The following FBXO31 variants were observed in gnomAD, a reference collection of about 807,000 sequenced individuals.
FBXO31 encodes F-box only protein 31.
A neutral mutation model predicts 54.4 loss-of-function variants in FBXO31; 24 were observed. The ratio of observed to expected loss-of-function variants is 0.44; its 90% CI spans 0.32 to 0.62. The LOEUF (loss-of-function observed/expected upper bound fraction) is 0.62. Among genes scored for constraint, FBXO31 ranks in the 20% least tolerant of loss-of-function variants. The probability of loss-of-function intolerance (pLI) is 0.05; values close to 1 mark genes in which losing one functional copy is unlikely to be tolerated. For synonymous variants in FBXO31, 388 were observed against 335.6 expected, an observed-to-expected ratio of 1.16 and a Z score of -1.71; for missense variants, 665 against 787.1, an observed-to-expected ratio of 0.84 and a Z score of 1.86.
rs1905106544 is a variant in FBXO31 at position 87,338,751 on chromosome 16, G to T, written c.733-2487C>A. 6.6e-6 allele frequency among the ~76,000 whole-genome samples: 1 copy of T among 152,104 alleles called. No homozygotes were observed. The highest frequency in any genetic ancestry group is 1.5e-5 in the Non-Finnish European group (1 of 68,016). On this transcript the variant is annotated intron_variant, in intron 5 of 8. Coordinates refer to ENST00000311635, the MANE Select transcript of FBXO31 (RefSeq NM_024735.5). This position sits in a 1 kb window ranked among gnomAD's most constrained non-coding sequence, Gnocchi z 4.3. ...CGAAGCCTCCCCTGTCCAGAGCCTG[G>T]CCCCTCCAACCTCCCTGGGCAGACA...
At chr16:87,369,208 C>A (rs1005930521) in intron 1 of FBXO31, among the ~76,000 whole-genome samples, 5 of 151,888 alleles carry the variant, frequency 3.3e-5, no homozygotes, top group Non-Finnish European at 4.4e-5. Flanking sequence ...TAAAAGCTAC[C>A]ATTTTACCCA....
At position 87,358,328 on chromosome 16, in the gene FBXO31, A is replaced by G. The variant is rs74600427; in HGVS notation, c.412+1967T>C. ...CTTGCTCCAGGACCAAAGCTGTCCCATGTGTGAATCAGAGGGCCCTCCCCA... is the reference window on the plus strand; with the variant it reads ...CTTGCTCCAGGACCAAAGCTGTCCCGTGTGTGAATCAGAGGGCCCTCCCCA... On this transcript the variant is annotated intron_variant, in intron 2 of 8. Coordinates refer to ENST00000311635, the MANE Select transcript of FBXO31 (RefSeq NM_024735.5). The surrounding 1 kb of genome is among the most constrained non-coding windows in gnomAD (Gnocchi z 4.0). 3.2e-3 allele frequency: 485 copies of G among 152,736 alleles called. No homozygotes were observed. The highest frequency in any genetic ancestry group is 0.011 in the African/African-American group (465 of 41,552). The allele number at this position is 152,736 out of a possible 1,614,324, so 9.5% of individuals were successfully genotyped here. A position where few individuals can be genotyped will look rare whatever the true frequency, so the allele number is the denominator to read the frequency against.
chr16:87,331,324 A>G lies in FBXO31; in HGVS notation c.1584T>C (p.Asp528=). The change falls in exon 9 of 9, where the codon GAT becomes GAC. Residue 528 remains aspartate, a synonymous_variant. Transcript: ENST00000311635. The part of the protein sequence containing the change: ...NADAPSPQAF[D]EMLKNIQSLT... Reference sequence around the variant, plus strand: ...GGGACTGAATGTTCTTGAGCATCTCATCGAAGGCCTGTGGGGACGGCGCAT... The same window carrying G: ...GGGACTGAATGTTCTTGAGCATCTCGTCGAAGGCCTGTGGGGACGGCGCAT... The G allele has an allele frequency of 6.2e-7, 1 of 1,613,618 alleles. No individual in the cohort carries two copies. The highest frequency in any genetic ancestry group is 2.2e-5 in the East Asian group (1 of 44,872).
rs768636893 is a variant in FBXO31 at position 87,342,869 on chromosome 16, G to A, written c.732+8C>T. 1.9e-6 allele frequency: 3 copies of A among 1,593,790 alleles called. No individual in the cohort carries two copies. In the South Asian group the frequency reaches 3.4e-5, roughly 18 times the overall value. ...CCATATGAACACAGGGCCGGCTGGT[G>A]GGCTCACCTCCTGCCTCCCGCCGGA... On this transcript the variant is annotated splice_region_variant and intron_variant, in intron 5 of 8. Transcript: ENST00000311635.
At position 87,329,157 on chromosome 16, in the gene FBXO31, C is replaced by T. The variant is rs1263672904; in HGVS notation, c.*2131G>A. ...GGACTGGCTGTGCGGCCAAAAAGGCCTCCCTTTCCTGGCTGTGTGGCTCTG... is the reference window on the plus strand; with the variant it reads ...GGACTGGCTGTGCGGCCAAAAAGGCTTCCCTTTCCTGGCTGTGTGGCTCTG... On this transcript the variant is annotated 3_prime_UTR_variant, in exon 9 of 9. Transcript: ENST00000311635. The T allele has an allele frequency of 1.3e-5, 2 of 152,500 alleles. No individual in the cohort carries two copies. Among genetic ancestry groups the T allele is most frequent in the African/African-American group, 4.8e-5 (2 of 41,470 alleles). 9.4% of individuals were successfully genotyped at this position (152,500 alleles called of 1,614,324 possible).
chr16:87,380,817 G>A (rs1907045412), intron 1 of FBXO31, among the ~76,000 whole-genome samples: 2 of 152,314 alleles, frequency 1.3e-5, no homozygotes, highest in Middle Eastern at 3.4e-3. Context: ...GTCCCCAGTC[G>A]CTTTCTACAT....
intron 4 of FBXO31, 126 bp downstream of exon 4, chr16:87,343,472 C>T (rs971127805): frequency 3.4e-6 from 4 of 1,184,594 alleles, no homozygotes; most frequent in Admixed American, 4.7e-5. Flanking sequence ...CAGGGCGGAG[C>T]CTCCCTCCCA....
intron 2 of FBXO31, among the ~76,000 whole-genome samples, chr16:87,350,810 G>A (rs1030905103): frequency 6.6e-6 from 1 of 152,170 alleles, no homozygotes; most frequent in Non-Finnish European, 1.5e-5. Context: ...ACTGCCCAAT[G>A]AGCCTGCCTC....
chr16:87,350,738 T>C (rs549974659), intron 2 of FBXO31, among the ~76,000 whole-genome samples: 26 of 152,008 alleles, frequency 1.7e-4, no homozygotes, highest in Non-Finnish European at 2.8e-4. Context: ...AAAAACACTA[T>C]TCAGCATTGC....
At chr16:87,373,390 T>A (rs1906684235) in intron 1 of FBXO31, among the ~76,000 whole-genome samples, 1 of 152,028 alleles carries the variant, frequency 6.6e-6, no homozygotes, top group South Asian at 2.1e-4. Context: ...AGGTGGAGCT[T>A]GCAGTGAGCC....
Position 87,336,217 on chromosome 16 carries a change from G to C in FBXO31, c.780C>G (p.Asp260Glu). The change falls in exon 6 of 9, where the codon GAC becomes GAG. Residue 260 changes from aspartate (D) to glutamate (E), a missense_variant. Transcript: ENST00000311635. This position sits in a 1 kb window ranked among gnomAD's most constrained non-coding sequence, Gnocchi z 6.5. ...LREEWGRTLE[D>E]IFHEHMQELI... ...GCTCCTGCATGTGCTCGTGGAAGAT[G>C]TCCTCCAGCGTGCGCCCCCATTCCT... 6.2e-7 allele frequency: 1 copy of C among 1,614,212 alleles called. No individual in the cohort carries two copies.
Position 87,338,143 on chromosome 16 carries a change from G to A in FBXO31, c.733-1879C>T, listed in dbSNP as rs1905086881. 6.6e-6 allele frequency among the ~76,000 whole-genome samples: 1 copy of A among 151,894 alleles called. No homozygotes were observed. The highest frequency in any genetic ancestry group is 2.4e-5 in the African/African-American group (1 of 41,336). On this transcript the variant is annotated intron_variant, in intron 5 of 8. Transcript: ENST00000311635. The surrounding 1 kb of genome is among the most constrained non-coding windows in gnomAD (Gnocchi z 4.3). Reference sequence around the variant, plus strand: ...TTTACATAAAGAGGTCCAAGCAACGGGACCACCAACCAGACCCTGTTACCC... The same window carrying A: ...TTTACATAAAGAGGTCCAAGCAACGAGACCACCAACCAGACCCTGTTACCC...
chr16:87,370,631 C>T (rs1032831329), intron 1 of FBXO31, among the ~76,000 whole-genome samples: 9 of 152,118 alleles, frequency 5.9e-5, no homozygotes, highest in African/African-American at 2.2e-4. Context: ...GGCAGGGAAC[C>T]CGAGGGAGAG....
At chr16:87,356,726 T>C (rs1905907464) in intron 2 of FBXO31, among the ~76,000 whole-genome samples, 1 of 152,126 alleles carries the variant, frequency 6.6e-6, no homozygotes, top group South Asian at 2.1e-4. Flanking sequence ...CTGCTTTCAG[T>C]TGGTGTTTTT....
At chr16:87,377,835 A>C (rs1906890479) in intron 1 of FBXO31, among the ~76,000 whole-genome samples, 1 of 151,914 alleles carries the variant, frequency 6.6e-6, no homozygotes, top group Non-Finnish European at 1.5e-5. Context: ...TCTCAAAAAA[A>C]AAAAAGAAAA....
upstream of FBXO31, chr16:87,392,068 GC>G (rs1907582354): frequency 1.4e-5 from 3 of 218,650 alleles, no homozygotes; most frequent in African/African-American, 6.9e-5. Flanking sequence ...GTGCGGCCCA[GC>G]CCACAACCGT....
At chr16:87,340,081 G>C (rs895980544) in intron 5 of FBXO31, among the ~76,000 whole-genome samples, 1 of 152,126 alleles carries the variant, frequency 6.6e-6, no homozygotes, top group African/African-American at 2.4e-5. Context: ...TCAGGAGTTC[G>C]AGACCAACCT....
At chr16:87,334,383 T>C in intron 7 of FBXO31, 97 bp from the exon 8 acceptor site, 6 of 1,164,994 alleles carry the variant, frequency 5.2e-6, no homozygotes, top group Non-Finnish European at 2.4e-6. Flanking sequence ...CTGAGCGAGC[T>C]GGCACCAGCC....
In FBXO31 at chr16:87,346,210, C is replaced by A. The variant is rs1299004255; in HGVS notation, c.489+964G>T. On this transcript the variant is annotated intron_variant, in intron 3 of 8. Transcript: ENST00000311635. This position sits in a 1 kb window ranked among gnomAD's most constrained non-coding sequence, Gnocchi z 4.2. ...CCAAGCCTGAGACGCGCGCATACCC[C>A]GGGCCTGCGCAGAGCAGGTGCCCTG... Among the ~76,000 whole-genome samples the A allele has an allele frequency of 6.6e-6, 1 of 152,126 alleles. No homozygotes were observed. The highest frequency in any genetic ancestry group is 1.5e-5 in the Non-Finnish European group (1 of 68,016).
Sources: allele counts gnomAD v4.1 joint callset (sites outside exome capture counted in the v4.1 genomes callset), GRCh38; gene constraint gnomAD v4.1.1; non-coding constraint Gnocchi (gnomAD v3.1); transcripts MANE v1.5; gene names NCBI Gene and HGNC (gene_info 2026-07-23, HGNC 2026-07-21).